Variants in FAM135A observed in about 807,000 individuals in gnomAD.
FAM135A encodes the protein family with sequence similarity 135 member A.
A neutral mutation model predicts 146.8 loss-of-function variants in FAM135A; 79 were observed. The ratio of observed to expected loss-of-function variants is 0.54; its 90% CI spans 0.45 to 0.65. FAM135A has a LOEUF of 0.65. Among genes scored for constraint, FAM135A ranks in the 30% least tolerant of loss-of-function variants. The pLI is 0.00. For synonymous variants in FAM135A, 562 were observed against 603.6 expected, an observed-to-expected ratio of 0.93 and a Z score of 1.01; for missense variants, 1,623 against 1,758.2, an observed-to-expected ratio of 0.92 and a Z score of 1.38.
chr6:70,468,582 CT>C (rs1780937057), intron 5 of FAM135A, among the ~76,000 whole-genome samples: 2 of 152,174 alleles, frequency 1.3e-5, no homozygotes, highest in South Asian at 4.1e-4. Context: ...AACCTTTTGT[CT>C]TTGACCCAAG....
intron 4 of FAM135A, among the ~76,000 whole-genome samples, chr6:70,450,750 T>TTTTTTTTTTTTA (rs1776893510): frequency 9.3e-6 from 1 of 107,190 alleles, no homozygotes; most frequent in Non-Finnish European, 1.8e-5. Flanking sequence ...TTTTTTTTTT[T>TTTTTTTTTTTTA]TTTTTTTTGA....
intron 12 of FAM135A, among the ~76,000 whole-genome samples, chr6:70,508,046 C>T (rs1388785949): frequency 6.6e-6 from 1 of 152,100 alleles, no homozygotes; most frequent in Admixed American, 6.6e-5. Flanking sequence ...TGTTCTCTTT[C>T]CTTGAGCCTA....
At chr6:70,555,325 C>T (rs965804965) in intron 20 of FAM135A, among the ~76,000 whole-genome samples, 15 of 152,158 alleles carry the variant, frequency 9.9e-5, no homozygotes, top group South Asian at 6.2e-4. Context: ...GAGTGCAGTG[C>T]TACAGCCATG....
chr6:70,484,802 C>T (rs1784326268), intron 10 of FAM135A, among the ~76,000 whole-genome samples: 1 of 152,202 alleles, frequency 6.6e-6, no homozygotes, highest in African/African-American at 2.4e-5. Context: ...AGACAAGTAC[C>T]AGTCCACAGT....
In FAM135A at chr6:70,559,785, T is replaced by G. The variant is rs760421114; in HGVS notation, c.4412T>G (p.Val1471Gly). 1 of 1,614,164 alleles carries G rather than the reference T, an allele frequency of 6.2e-7. No homozygotes were observed. The highest frequency in any genetic ancestry group is 1.1e-5 in the South Asian group (1 of 91,086). Reference protein sequence around the residue: ...PVLQSKDCNLVRYNVINALPN... With the variant: ...PVLQSKDCNLGRYNVINALPN... ...CTGCAAAGCAAGGACTGTAATTTGG[T>G]TCGCTATAATGTCATCAATGCATTG... Residue 1471 changes from valine (V) to glycine (G), a missense_variant, in exon 22 of 22, where the codon GTT becomes GGT. Coordinates refer to ENST00000418814, the MANE Select transcript of FAM135A (RefSeq NM_001162529.3).
chr6:70,414,231 A>G (rs1237416045), intron 1 of FAM135A, among the ~76,000 whole-genome samples: 2 of 151,996 alleles, frequency 1.3e-5, no homozygotes, highest in Non-Finnish European at 2.9e-5. Flanking sequence ...TGTTACCTCC[A>G]TAATTTCTTC....
chr6:70,546,570 G>A (rs2128468085), intron 20 of FAM135A, among the ~76,000 whole-genome samples: 1 of 152,208 alleles, frequency 6.6e-6, no homozygotes. Context: ...CTTTTTAAAA[G>A]CCTAAAATAA....
chr6:70,436,717 G>C (rs565860836), intron 4 of FAM135A, among the ~76,000 whole-genome samples: 1 of 152,088 alleles, frequency 6.6e-6, no homozygotes, highest in Non-Finnish European at 1.5e-5. Flanking sequence ...CATTCTTTAG[G>C]TGAGAAAGGA....
chr6:70,527,286 G>A (rs1454561214), intron 15 of FAM135A, among the ~76,000 whole-genome samples: 1 of 152,046 alleles, frequency 6.6e-6, no homozygotes. Flanking sequence ...AGGTTTACCA[G>A]CGTGCACTGG....
intron 20 of FAM135A, among the ~76,000 whole-genome samples, chr6:70,555,486 CA>C (rs916000337): frequency 6.6e-6 from 1 of 152,096 alleles, no homozygotes; most frequent in Admixed American, 6.5e-5. Context: ...CTCTTGGGCT[CA>C]GGCAATTTTC....
chr6:70,536,796 G>T (rs568488201), intron 19 of FAM135A, among the ~76,000 whole-genome samples: 36 of 151,798 alleles, frequency 2.4e-4, no homozygotes, highest in Non-Finnish European at 4.9e-4. Flanking sequence ...AGCTAATTTT[G>T]GTTCAAAAAG....
chr6:70,419,694 G>A (rs548195228), intron 2 of FAM135A, among the ~76,000 whole-genome samples: 6 of 152,242 alleles, frequency 3.9e-5, no homozygotes, highest in East Asian at 3.9e-4. Flanking sequence ...CATAGTGTAA[G>A]CCCCTCATCT....
intron 20 of FAM135A, among the ~76,000 whole-genome samples, chr6:70,551,704 A>G (rs1799864158): frequency 1.3e-5 from 2 of 152,168 alleles, no homozygotes; most frequent in African/African-American, 4.8e-5. Context: ...CACTTCCCAT[A>G]TAATTGTGTC....
intron 5 of FAM135A, among the ~76,000 whole-genome samples, chr6:70,457,160 A>G (rs948531270): frequency 1.3e-5 from 2 of 152,236 alleles, no homozygotes; most frequent in African/African-American, 4.8e-5. Context: ...AGCATGTCAC[A>G]TCTTACAGAT....
At position 70,524,064 on chromosome 6, in the gene FAM135A, G is replaced by C. The variant is rs780073253; in HGVS notation, c.1201G>C (p.Asp401His). Residue 401 changes from aspartate (D) to histidine (H), a missense_variant, in exon 14 of 22, where the codon GAT (aspartate) becomes CAT (histidine). Asp to His is a moderately conservative substitution (Grantham distance 81, BLOSUM62 -1). Coordinates refer to ENST00000418814, the MANE Select transcript of FAM135A (RefSeq NM_001162529.3). ...LPIECSELDG[D>H]LNSLPIIFED... is the part of the protein sequence containing the mutation. ...TATTGAATGTAGTGAATTAGATGGA[G>C]ATCTCAATTCATTACCTATAATCTT... is the stretch of plus-strand genomic sequence containing the variant. 1 of 1,612,296 alleles carries C rather than the reference G, an allele frequency of 6.2e-7. No individual in the cohort carries two copies. The highest frequency in any genetic ancestry group is 2.2e-5 in the East Asian group (1 of 44,800).
chr6:70,481,006 C>T lies in FAM135A; in HGVS notation c.648C>T (p.Tyr216=), dbSNP rs762726990. 1.2e-5 allele frequency: 19 copies of T among 1,608,384 alleles called. No homozygotes were observed. The highest frequency in any genetic ancestry group is 8.5e-5 in the Admixed American group (5 of 59,154). ...AAAGTGTGGTCTTTGGTATTAACTA[C>T]ACAAAACAGTTATCACCAGATGTAA... is the stretch of plus-strand genomic sequence containing the variant. ...TLESVVFGIN[Y]TKQLSPDGCS... The change falls in exon 9 of 22, where the codon TAC becomes TAT. Residue 216 remains tyrosine (Y), a synonymous_variant. Coordinates refer to ENST00000418814, the MANE Select transcript of FAM135A (RefSeq NM_001162529.3).
rs372507112 is a variant in FAM135A, at chr6:70,490,585, ATGT to A, written c.824-447_824-445del. On this transcript the variant is annotated intron_variant, in intron 10 of 21. Coordinates refer to ENST00000418814, the MANE Select transcript of FAM135A (RefSeq NM_001162529.3). ...TTATTAAATAGCCTACACACCAGGTATGTTTTAAATGTTTCAGTGATAAAATTA... is the reference window on the plus strand; with the variant it reads ...TTATTAAATAGCCTACACACCAGGTATTTAAATGTTTCAGTGATAAAATTA... 1.8e-3 allele frequency among the ~76,000 whole-genome samples: 279 copies of A among 152,184 alleles called. 1 individual carries two copies. Among genetic ancestry groups the A allele is most frequent in the African/African-American group, 6.5e-3 (270 of 41,580 alleles).
intron 11 of FAM135A, among the ~76,000 whole-genome samples, 176 bp downstream of exon 11, chr6:70,491,259 T>G (rs1282809473): frequency 2.6e-5 from 4 of 151,774 alleles, no homozygotes; most frequent in Non-Finnish European, 4.4e-5. Flanking sequence ...GGCTTCAGCA[T>G]GAAGTTAACT....
chr6:70,454,248 G>A (rs1052150794), intron 5 of FAM135A, among the ~76,000 whole-genome samples: 2 of 152,118 alleles, frequency 1.3e-5, no homozygotes, highest in African/African-American at 4.8e-5. Flanking sequence ...CTTTTTGATG[G>A]GGTTGTTTGA....
Sources: allele counts gnomAD v4.1 joint callset (sites outside exome capture counted in the v4.1 genomes callset), GRCh38; gene constraint gnomAD v4.1.1; transcripts MANE v1.5; gene names NCBI Gene and HGNC (gene_info 2026-07-23, HGNC 2026-07-21).